Variants in CYTH2 observed in about 807,000 individuals in gnomAD.
CYTH2 encodes the protein cytohesin 2, also known as cytohesin-2.
In CYTH2, 24 loss-of-function variants were observed where a neutral mutation model predicts 55.4. The ratio of observed to expected loss-of-function variants is 0.43; its 90% confidence interval spans 0.31 to 0.61. The LOEUF (loss-of-function observed/expected upper bound fraction) is 0.61. CYTH2 is among the 20% of genes least tolerant of loss of function. CYTH2 has a pLI of 0.08. For synonymous variants in CYTH2, 221 were observed against 209.6 expected (o/e 1.05, Z -0.47); for missense variants, 378 against 533.5 (o/e 0.71, Z 2.87).
At chr19:48,478,183 G>C in intron 9 of CYTH2, 38 bp downstream of exon 9, 1 of 1,612,198 alleles carries the variant, frequency 6.2e-7, no homozygotes, top group South Asian at 1.1e-5. Flanking sequence ...GGTCCTGGGC[G>C]GAGTGGCTGG....
chr19:48,474,087 GA>G lies in CYTH2; in HGVS notation c.547+71del. 1.9e-6 allele frequency: 3 copies of G among 1,547,972 alleles called. No homozygotes were observed. Among genetic ancestry groups the G allele is most frequent in the Non-Finnish European group, 2.6e-6 (3 of 1,147,032 alleles). ...CCCAGACTCCTAGGTCTGAGGGAGGGAGGGGGCTGGGAGCTGGGAATCCTGG... is the reference window on the plus strand; with the variant it reads ...CCCAGACTCCTAGGTCTGAGGGAGGGGGGGGCTGGGAGCTGGGAATCCTGG... On this transcript the variant is annotated intron_variant, in intron 6 of 11. Transcript: ENST00000452733. The surrounding 1 kb of genome is among the most constrained non-coding windows in gnomAD (Gnocchi z 4.9).
rs1005625401 is a variant in CYTH2, at chr19:48,479,930, G to C, written c.*720G>C. ...GCCTTAGATCGGGCTAAGAGGGCAG[G>C]ACTGTGGGCCAGTGCCAGAGCCAGG... On this transcript the variant is annotated 3_prime_UTR_variant, in exon 12 of 12. Coordinates refer to ENST00000452733, the MANE Select transcript of CYTH2 (RefSeq NM_004228.7). 6.6e-5 allele frequency: 10 copies of C among 152,552 alleles called. No homozygotes were observed. Among genetic ancestry groups the C allele is most frequent in the African/African-American group, 2.4e-4 (10 of 41,460 alleles). The allele number at this position is 152,552 out of a possible 1,614,324, so 9.4% of individuals were successfully genotyped here.
rs558574779 is a variant in CYTH2 at position 48,479,680 on chromosome 19, C to T, written c.*470C>T. On this transcript the variant is annotated 3_prime_UTR_variant, in exon 12 of 12. Coordinates refer to ENST00000452733, the MANE Select transcript of CYTH2 (RefSeq NM_004228.7). The stretch of plus-strand genomic sequence containing the variant: ...TTACTTGACAGCCATCAGCCAGTTA[C>T]GCTACAGCCATCAGCTAGTTCCCAT... 11 of 165,148 alleles carry T rather than the reference C, an allele frequency of 6.7e-5. No individual in the cohort carries two copies. The highest frequency in any genetic ancestry group is 1.7e-4 in the East Asian group (1 of 5,918). The allele number at this position is 165,148 out of a possible 1,614,324, so 10.2% of individuals were successfully genotyped here. A position where few individuals can be genotyped will look rare whatever the true frequency, so the allele number is the denominator to read the frequency against.
Position 48,477,190 on chromosome 19 carries a change from G to A in CYTH2, c.809-879G>A, listed in dbSNP as rs118114838. The A allele has an allele frequency of 2.6e-5, 4 of 152,456 alleles. No individual in the cohort carries two copies. The East Asian group carries it at 7.7e-4, about 29-fold the overall frequency. The allele number at this position is 152,456 out of a possible 1,614,324, so 9.4% of individuals were successfully genotyped here. A position where few individuals can be genotyped will look rare whatever the true frequency, so the allele number is the denominator to read the frequency against. On this transcript the variant is annotated intron_variant, in intron 8 of 11. Transcript: ENST00000452733. ...TTTTGCCACAGGAAGGTGTAGGCCCGAGTGAGTCTCCAGGCTGGAGTCCAG... is the reference window on the plus strand; with the variant it reads ...TTTTGCCACAGGAAGGTGTAGGCCCAAGTGAGTCTCCAGGCTGGAGTCCAG...
intron 3 of CYTH2, among the ~76,000 whole-genome samples, chr19:48,472,018 T>C (rs923802839): frequency 1.3e-5 from 2 of 152,210 alleles, no homozygotes; most frequent in African/African-American, 4.8e-5. Context: ...ATCACGCCAC[T>C]GCACTCCAGT....
Position 48,479,480 on chromosome 19 carries a change from T to C in CYTH2, c.*270T>C. The C allele has an allele frequency of 2.1e-6, 1 of 485,094 alleles. No homozygotes were observed. Among genetic ancestry groups the C allele is most frequent in the South Asian group, 2.4e-5 (1 of 41,302 alleles). 30.0% of individuals were successfully genotyped at this position (485,094 alleles called of 1,614,324 possible). A position where few individuals can be genotyped will look rare whatever the true frequency, so the allele number is the denominator to read the frequency against. On this transcript the variant is annotated 3_prime_UTR_variant, in exon 12 of 12. Coordinates refer to ENST00000452733, the MANE Select transcript of CYTH2 (RefSeq NM_004228.7). The stretch of plus-strand genomic sequence containing the variant: ...CTGGACAGGGGCCTGGACCCGCCTG[T>C]CTCTGGGTGCTGCCTGGGCTGTCCC...
chr19:48,475,958 C>A, intron 8 of CYTH2: 1 of 512,224 alleles, frequency 2.0e-6, no homozygotes, highest in Non-Finnish European at 3.9e-6. Context: ...AGGCTTCCCG[C>A]GGCAGCAGGA....
rs1255360477 is a variant in CYTH2 at position 48,469,459 on chromosome 19, C to T, written c.-49C>T. ...GCCCGCGGGCCAACGCGGATCCAGG[C>T]CCGACTGGCGGGACCGCCCCGGATT... On this transcript the variant is annotated 5_prime_UTR_variant, in exon 1 of 12. Coordinates refer to ENST00000452733, the MANE Select transcript of CYTH2 (RefSeq NM_004228.7). 7 of 1,319,576 alleles carry T rather than the reference C, an allele frequency of 5.3e-6. No homozygotes were observed. Among genetic ancestry groups the T allele is most frequent in the Non-Finnish European group, 5.8e-6 (6 of 1,026,082 alleles). The allele number at this position is 1,319,576 out of a possible 1,614,324, so 81.7% of individuals were successfully genotyped here. A position where few individuals can be genotyped will look rare whatever the true frequency, so the allele number is the denominator to read the frequency against.
rs568892826 is a variant in CYTH2 at position 48,478,164 on chromosome 19, G to C, written c.885+19G>C. On this transcript the variant is annotated intron_variant, in intron 9 of 11. Coordinates refer to ENST00000452733, the MANE Select transcript of CYTH2 (RefSeq NM_004228.7). ...CACCACGGTGAGCGTGACCCGACCC[G>C]GGCTCTGGGGTCCTGGGCGGAGTGG... 1.8e-5 allele frequency: 29 copies of C among 1,613,434 alleles called. No homozygotes were observed. Among genetic ancestry groups the C allele is most frequent in the Middle Eastern group, 1.7e-4 (1 of 6,058 alleles).
intron 11 of CYTH2, 110 bp from the exon 12 acceptor site, chr19:48,479,013 G>A (rs1311206988): frequency 1.2e-5 from 14 of 1,133,922 alleles, no homozygotes; most frequent in Non-Finnish European, 1.7e-5. Context: ...GGACTCCTGG[G>A]TCTGAGGGAG....
chr19:48,473,662 A>G, intron 5 of CYTH2: 1 of 595,112 alleles, frequency 1.7e-6, no homozygotes, highest in Admixed American at 3.0e-5. Flanking sequence ...CCTGATAACA[A>G]GCCTCAACCA....
chr19:48,477,783 C>A (rs1338174163), intron 8 of CYTH2: 3 of 464,522 alleles, frequency 6.5e-6, no homozygotes, highest in African/African-American at 3.9e-5. Flanking sequence ...CCCTGGCGCC[C>A]TGGCGCCCTG....
intron 8 of CYTH2, chr19:48,476,950 T>C (rs1387509249): frequency 6.6e-6 from 1 of 152,262 alleles, no homozygotes; most frequent in Non-Finnish European, 1.5e-5. Context: ...CGCCTCAGTT[T>C]GGTTCTGAGC....
rs376715976 is a variant in CYTH2 at position 48,478,859 on chromosome 19, T to A, written c.1113-264T>A. ...CGGAGGAGGGGCCGGGGGCCTGGACTCCTGGGTCTGACGGAGGAGGGGCCG... is the reference window on the plus strand; with the variant it reads ...CGGAGGAGGGGCCGGGGGCCTGGACACCTGGGTCTGACGGAGGAGGGGCCG... On this transcript the variant is annotated intron_variant, in intron 11 of 11. Transcript: ENST00000452733. Among the ~76,000 whole-genome samples, 30 of 101,510 alleles carry A rather than the reference T, an allele frequency of 3.0e-4. 1 individual carries two copies. The highest frequency in any genetic ancestry group is 1.5e-3 in the African/African-American group (24 of 16,126). The allele number at this position is 101,510 out of a possible 152,430, so 66.6% of individuals were successfully genotyped here. A position where few individuals can be genotyped will look rare whatever the true frequency, so the allele number is the denominator to read the frequency against.
chr19:48,473,237 C>T, intron 4 of CYTH2, 61 bp from the exon 5 acceptor site: 1 of 1,571,214 alleles, frequency 6.4e-7, no homozygotes, highest in South Asian at 1.1e-5. Flanking sequence ...AGGGCATTGC[C>T]CTTTGCCCAT....
chr19:48,474,105 G>A lies in CYTH2; in HGVS notation c.548-77G>A. 6.5e-7 allele frequency: 1 copy of A among 1,546,854 alleles called. No homozygotes were observed. The highest frequency in any genetic ancestry group is 8.7e-7 in the Non-Finnish European group (1 of 1,146,900). ...AGGGAGGGAGGGGGCTGGGAGCTGG[G>A]AATCCTGGGTCCTGGGGAATGGGGG... On this transcript the variant is annotated intron_variant, in intron 6 of 11. Transcript: ENST00000452733. The surrounding 1 kb of genome is among the most constrained non-coding windows in gnomAD (Gnocchi z 4.9).
At chr19:48,473,498 G>T in intron 5 of CYTH2, 120 bp downstream of exon 5, 1 of 1,012,820 alleles carries the variant, frequency 9.9e-7, no homozygotes, top group Non-Finnish European at 1.5e-6. Context: ...ACAAAAACTA[G>T]GGAACTGAGT....
chr19:48,481,493 T>G lies in CYTH2; in HGVS notation c.*2283T>G, dbSNP rs1384700945. ...CACGCTTCTGATTTTTTTTGTAGGT[T>G]TTTTTTTTTGTTTTTTGTTTTGTTT... On this transcript the variant is annotated 3_prime_UTR_variant, in exon 12 of 12. Coordinates refer to ENST00000452733, the MANE Select transcript of CYTH2 (RefSeq NM_004228.7). 1.1e-5 allele frequency: 2 copies of G among 184,524 alleles called. No individual in the cohort carries two copies. The highest frequency in any genetic ancestry group is 4.9e-5 in the African/African-American group (2 of 40,692). 11.4% of individuals were successfully genotyped at this position (184,524 alleles called of 1,614,324 possible). A position where few individuals can be genotyped will look rare whatever the true frequency, so the allele number is the denominator to read the frequency against.
intron 3 of CYTH2, 88 bp downstream of exon 3, chr19:48,470,757 C>T: frequency 6.9e-7 from 1 of 1,454,552 alleles, no homozygotes; most frequent in Non-Finnish European, 9.6e-7. Flanking sequence ...CGTGATGGTG[C>T]CGGGTCTATT....
Sources: allele counts gnomAD v4.1 joint callset (sites outside exome capture counted in the v4.1 genomes callset), GRCh38; gene constraint gnomAD v4.1.1; non-coding constraint Gnocchi (gnomAD v3.1); transcripts MANE v1.5; gene names NCBI Gene and HGNC (gene_info 2026-07-23, HGNC 2026-07-21).